HHAT: variants seen among roughly 807,000 people sequenced by gnomAD.
HHAT encodes the protein hedgehog acyltransferase.
A neutral mutation model predicts 70.8 loss-of-function variants in HHAT; 47 were observed. The observed-to-expected ratio is 0.66, with a 90% CI of 0.53 to 0.85. HHAT has a LOEUF of 0.85. Ranked by LOEUF, HHAT falls within the 40% of genes least tolerant of loss-of-function variation. The probability of loss-of-function intolerance (pLI) is 0.00; values close to 1 mark genes in which losing one functional copy is unlikely to be tolerated. For missense variants in HHAT, 609 were observed against 604.8 expected (o/e 1.01, Z -0.07); for synonymous variants, 228 against 247.6 (o/e 0.92, Z 0.74).
chr1:210,472,086 T>A (rs943716422), intron 8 of HHAT, among the ~76,000 whole-genome samples: 3 of 152,170 alleles, frequency 2.0e-5, no homozygotes, highest in African/African-American at 7.2e-5. Context: ...TCAGATAACA[T>A]CTCAAAATCA....
At chr1:210,448,060 C>T (rs939705818) in intron 7 of HHAT, among the ~76,000 whole-genome samples, 1 of 149,158 alleles carries the variant, frequency 6.7e-6, no homozygotes, top group South Asian at 2.1e-4. Flanking sequence ...TTTAATTTGA[C>T]AGTTTATTTG....
intron 8 of HHAT, among the ~76,000 whole-genome samples, chr1:210,489,257 A>G (rs2094516619): frequency 6.6e-6 from 1 of 152,214 alleles, no homozygotes. Context: ...CTGTCCCTAA[A>G]CAGCTAGTAG....
At chr1:210,359,822 G>A (rs1018862358) in intron 2 of HHAT, among the ~76,000 whole-genome samples, 7 of 151,800 alleles carry the variant, frequency 4.6e-5, no homozygotes, top group African/African-American at 1.7e-4. Flanking sequence ...AGCCAAGATC[G>A]CACCACTGTA....
rs78360865 is a variant in HHAT at position 210,470,765 on chromosome 1, G to A, written c.1007+6110G>A. 2.3e-3 allele frequency among the ~76,000 whole-genome samples: 356 copies of A among 152,274 alleles called. 3 individuals are homozygous for A. Among genetic ancestry groups the A allele is most frequent in the African/African-American group, 7.8e-3 (324 of 41,548 alleles). ...GGAAGATGTTGATCACCAGTCACCA[G>A]AACATAGTGTTTGAGGCCACAGATC... is the stretch of plus-strand genomic sequence containing the variant. On this transcript the variant is annotated intron_variant, in intron 8 of 11. Transcript: ENST00000261458.
intron 7 of HHAT, among the ~76,000 whole-genome samples, chr1:210,462,160 C>A (rs929309208): frequency 6.6e-6 from 1 of 152,158 alleles, no homozygotes; most frequent in African/African-American, 2.4e-5. Context: ...AGACATGAAG[C>A]AACCCATTTT....
intron 11 of HHAT, among the ~76,000 whole-genome samples, chr1:210,652,958 T>C (rs2148938407): frequency 6.6e-6 from 1 of 152,356 alleles, no homozygotes; most frequent in South Asian, 2.1e-4. Flanking sequence ...TCTAGGACTT[T>C]GACATCCAGA....
chr1:210,672,625 T>G (rs1432288388), intron 11 of HHAT, among the ~76,000 whole-genome samples: 1 of 152,222 alleles, frequency 6.6e-6, no homozygotes, highest in Non-Finnish European at 1.5e-5. Flanking sequence ...CCTTTCGGCA[T>G]CTTGTATCTT....
intron 2 of HHAT, among the ~76,000 whole-genome samples, chr1:210,350,499 G>A (rs1003412259): frequency 6.6e-6 from 1 of 152,102 alleles, no homozygotes; most frequent in Non-Finnish European, 1.5e-5. Context: ...TATTTTGTTA[G>A]ATTTATAGCT....
intron 9 of HHAT, among the ~76,000 whole-genome samples, chr1:210,537,470 A>G (rs528200541): frequency 6.6e-6 from 1 of 152,240 alleles, no homozygotes; most frequent in East Asian, 1.9e-4. Context: ...GGAGACTCCA[A>G]TAATAATAAA....
intron 3 of HHAT, among the ~76,000 whole-genome samples, chr1:210,383,812 G>T (rs1309267612): frequency 1.3e-5 from 2 of 152,204 alleles, no homozygotes; most frequent in Non-Finnish European, 2.9e-5. Flanking sequence ...CTACTTTAAA[G>T]ATTGTTATGA....
At chr1:210,507,772 C>T (rs910301747) in intron 8 of HHAT, among the ~76,000 whole-genome samples, 2 of 152,086 alleles carry the variant, frequency 1.3e-5, no homozygotes, top group East Asian at 1.9e-4. Context: ...TTAGGTTTAC[C>T]ATGGTAAAGA....
chr1:210,663,344 G>A (rs1413695253), intron 11 of HHAT, among the ~76,000 whole-genome samples: 1 of 152,138 alleles, frequency 6.6e-6, no homozygotes, highest in Non-Finnish European at 1.5e-5. Context: ...GAAGGCCAAG[G>A]ATTTAAAGGA....
chr1:210,661,298 C>A (rs1207256399), intron 11 of HHAT, among the ~76,000 whole-genome samples: 6 of 152,182 alleles, frequency 3.9e-5, no homozygotes, highest in African/African-American at 1.2e-4. Flanking sequence ...ATGCAGCCAA[C>A]AGACACATGA....
At chr1:210,572,346 T>A (rs934877581) in intron 9 of HHAT, among the ~76,000 whole-genome samples, 6 of 152,154 alleles carry the variant, frequency 3.9e-5, no homozygotes, top group Non-Finnish European at 8.8e-5. Context: ...CACATCAGTT[T>A]CAAAGACCTT....
intron 9 of HHAT, among the ~76,000 whole-genome samples, chr1:210,543,135 A>C (rs939843990): frequency 4.6e-5 from 7 of 152,234 alleles, no homozygotes; most frequent in African/African-American, 1.7e-4. Flanking sequence ...GTGAGTTTGT[A>C]ATCAGGAGCT....
chr1:210,473,015 C>T (rs983957959), intron 8 of HHAT, among the ~76,000 whole-genome samples: 1 of 152,112 alleles, frequency 6.6e-6, no homozygotes, highest in South Asian at 2.1e-4. Flanking sequence ...CAAATATATC[C>T]TCTTCAGACC....
intron 7 of HHAT, 66 bp downstream of exon 7, chr1:210,418,391 G>T (rs2092789942): frequency 4.9e-6 from 7 of 1,419,290 alleles, no homozygotes; most frequent in Non-Finnish European, 6.6e-6. Context: ...TCAGAATGGA[G>T]CTGGAGTGGG....
intron 8 of HHAT, among the ~76,000 whole-genome samples, chr1:210,468,441 A>G (rs1475770243): frequency 2.0e-5 from 3 of 152,162 alleles, no homozygotes; most frequent in Admixed American, 2.0e-4. Context: ...TTGAATTATG[A>G]TGCTTTCAGG....
chr1:210,373,581 GT>G (rs777757157), intron 3 of HHAT, among the ~76,000 whole-genome samples: 1 of 152,140 alleles, frequency 6.6e-6, no homozygotes, highest in Non-Finnish European at 1.5e-5. Flanking sequence ...ATGGATGAAG[GT>G]TTGTTATTCC....
Sources: allele counts gnomAD v4.1 joint callset (sites outside exome capture counted in the v4.1 genomes callset), GRCh38; gene constraint gnomAD v4.1.1; transcripts MANE v1.5; gene names NCBI Gene and HGNC (gene_info 2026-07-23, HGNC 2026-07-21).